ROBO2: variants seen among roughly 807,000 people sequenced by gnomAD.
The protein encoded by ROBO2 is roundabout guidance receptor 2.
A neutral mutation model predicts 160.8 loss-of-function variants in ROBO2; 53 were observed. The ratio of observed to expected loss-of-function variants is 0.33; its 90% confidence interval spans 0.26 to 0.41. ROBO2 has a LOEUF of 0.41. Ranked by LOEUF, ROBO2 falls within the 10% of genes least tolerant of loss-of-function variation. The pLI is 1.00. For missense variants in ROBO2, 1,577 were observed against 1,722.4 expected, an observed-to-expected ratio of 0.92 and a Z score of 1.49; for synonymous variants, 664 against 611.7, an observed-to-expected ratio of 1.09 and a Z score of -1.26.
chr3:76,439,175 A>G (rs1177868654), intron 2 of ROBO2, among the ~76,000 whole-genome samples: 1 of 152,212 alleles, frequency 6.6e-6, no homozygotes, highest in African/African-American at 2.4e-5. Flanking sequence ...TGCCAACTGC[A>G]TGACAAGTAC....
chr3:76,699,400 C>T (rs1055017812), intron 2 of ROBO2, among the ~76,000 whole-genome samples: 1 of 149,856 alleles, frequency 6.7e-6, no homozygotes, highest in Non-Finnish European at 1.5e-5. Context: ...CTTCTCCAGG[C>T]AGGCCTTCAT....
intron 2 of ROBO2, among the ~76,000 whole-genome samples, chr3:77,379,238 G>T (rs949812285): frequency 1.3e-5 from 2 of 152,090 alleles, no homozygotes; most frequent in Non-Finnish European, 2.9e-5. Context: ...GAGCCACAAC[G>T]CCCAGCAACT....
chr3:76,011,825 G>C (rs1003452283), intron 2 of ROBO2, among the ~76,000 whole-genome samples: 1 of 152,072 alleles, frequency 6.6e-6, no homozygotes, highest in African/African-American at 2.4e-5. Flanking sequence ...ATATCACCCA[G>C]TGACTCGATG....
At chr3:76,673,006 A>C (rs1320425276) in intron 2 of ROBO2, among the ~76,000 whole-genome samples, 1 of 152,128 alleles carries the variant, frequency 6.6e-6, no homozygotes, top group Non-Finnish European at 1.5e-5. Context: ...CAAGTGTCTT[A>C]AGTGACAGAA....
At chr3:76,473,486 A>G (rs2078775504) in intron 2 of ROBO2, among the ~76,000 whole-genome samples, 1 of 152,132 alleles carries the variant, frequency 6.6e-6, no homozygotes, top group Non-Finnish European at 1.5e-5. Context: ...CTGTCTGTAA[A>G]AGATTTACAT....
At chr3:76,614,974 A>C (rs1313765581) in intron 2 of ROBO2, among the ~76,000 whole-genome samples, 1 of 152,088 alleles carries the variant, frequency 6.6e-6, no homozygotes, top group Non-Finnish European at 1.5e-5. Flanking sequence ...AATGATTTCT[A>C]CTTGTTGACA....
intron 2 of ROBO2, among the ~76,000 whole-genome samples, chr3:76,316,171 C>T (rs1360830694): frequency 6.6e-6 from 1 of 152,058 alleles, no homozygotes; most frequent in Admixed American, 6.6e-5. Flanking sequence ...AAACAGGGTT[C>T]GAGAGCAGAG....
chr3:77,085,629 A>G (rs553464802), intron 1 of ROBO2, among the ~76,000 whole-genome samples: 43 of 152,214 alleles, frequency 2.8e-4, no homozygotes, highest in Non-Finnish European at 5.7e-4. Context: ...CCAAGATACA[A>G]ACTTCAGGAA....
chr3:76,942,158 G>A (rs193111630), intron 2 of ROBO2, among the ~76,000 whole-genome samples: 68 of 152,226 alleles, frequency 4.5e-4, no homozygotes, highest in African/African-American at 1.6e-3. Flanking sequence ...ACTTAGAAAT[G>A]GGAGATTTAA....
At chr3:76,830,299 A>G (rs937849739) in intron 2 of ROBO2, among the ~76,000 whole-genome samples, 1 of 152,130 alleles carries the variant, frequency 6.6e-6, no homozygotes, top group Non-Finnish European at 1.5e-5. Context: ...GCCTCCAGGT[A>G]CTGTGGTGTT....
chr3:77,553,534 C>A (rs2092999094), intron 8 of ROBO2, among the ~76,000 whole-genome samples: 1 of 151,910 alleles, frequency 6.6e-6, no homozygotes, highest in Non-Finnish European at 1.5e-5. Flanking sequence ...AGCTGGGCCT[C>A]TTGTTCTAAA....
intron 2 of ROBO2, among the ~76,000 whole-genome samples, chr3:76,992,974 C>T (rs559426936): frequency 1.5e-4 from 23 of 151,976 alleles, no homozygotes; most frequent in African/African-American, 2.4e-4. Context: ...CTCACCATCG[C>T]GCCTGGACAA....
intron 2 of ROBO2, among the ~76,000 whole-genome samples, chr3:76,890,735 A>AT (rs1408850303): frequency 2.6e-5 from 4 of 152,128 alleles, no homozygotes; most frequent in Non-Finnish European, 5.9e-5. Flanking sequence ...CAATGCTAGC[A>AT]TTTTTATTAA....
Position 76,717,527 on chromosome 3 carries a change from A to G in ROBO2, c.110-380487A>G, listed in dbSNP as rs1276305167. Among the ~76,000 whole-genome samples the G allele has an allele frequency of 2.6e-5, 4 of 152,076 alleles. No individual in the cohort carries two copies. The East Asian group carries it at 5.8e-4, about 22-fold the overall frequency. On this transcript the variant is annotated intron_variant, in intron 2 of 26. Transcript: ENST00000487694. ...AAAAAGAAAAAAGAAAAGCCCCACTATCAACCTAACAGAGTTGTGGAGAGT... is the reference window on the plus strand; with the variant it reads ...AAAAAGAAAAAAGAAAAGCCCCACTGTCAACCTAACAGAGTTGTGGAGAGT...
intron 5 of ROBO2, among the ~76,000 whole-genome samples, chr3:77,495,074 G>A (rs1445861395): frequency 6.6e-6 from 1 of 152,142 alleles, no homozygotes; most frequent in Non-Finnish European, 1.5e-5. Flanking sequence ...CTATTGAATT[G>A]TTACTGTCCA....
chr3:76,642,109 A>G (rs2090709407), intron 2 of ROBO2, among the ~76,000 whole-genome samples: 1 of 152,134 alleles, frequency 6.6e-6, no homozygotes, highest in African/African-American at 2.4e-5. Flanking sequence ...AATTATTTCC[A>G]AACTAAACAT....
chr3:76,315,437 G>T (rs749274515), intron 2 of ROBO2, among the ~76,000 whole-genome samples: 6 of 152,108 alleles, frequency 3.9e-5, no homozygotes, highest in Non-Finnish European at 7.3e-5. Context: ...ATTGTATTAT[G>T]AGCACATACT....
At chr3:77,565,370 A>T (rs1046777567) in intron 12 of ROBO2, among the ~76,000 whole-genome samples, 2 of 152,094 alleles carry the variant, frequency 1.3e-5, no homozygotes, top group African/African-American at 4.8e-5. Flanking sequence ...GAATTCACTA[A>T]ATTAGAGCTT....
chr3:77,197,599 C>A (rs1245189355), intron 2 of ROBO2, among the ~76,000 whole-genome samples: 1 of 152,162 alleles, frequency 6.6e-6, no homozygotes, highest in African/African-American at 2.4e-5. Context: ...ATGCTTCTGC[C>A]ATCAGAAAGG....
Sources: allele counts gnomAD v4.1 joint callset (sites outside exome capture counted in the v4.1 genomes callset), GRCh38; gene constraint gnomAD v4.1.1; transcripts MANE v1.5; gene names NCBI Gene and HGNC (gene_info 2026-07-23, HGNC 2026-07-21).